The following TRPM3 variants were observed in gnomAD, a reference collection of about 807,000 sequenced individuals.
The protein encoded by TRPM3 is transient receptor potential cation channel subfamily M member 3.
A neutral mutation model predicts 181.2 loss-of-function variants in TRPM3; 77 were observed. The observed-to-expected ratio is 0.42, with a 90% confidence interval of 0.35 to 0.51. The LOEUF (loss-of-function observed/expected upper bound fraction) is 0.51, where lower values mean the gene tolerates loss of function less well. TRPM3 is among the 20% of genes least tolerant of loss of function. The pLI is 0.01. For missense variants in TRPM3, 1,759 were observed against 2,196.7 expected (o/e 0.80, Z 3.98); for synonymous variants, 745 against 796.4 (o/e 0.94, Z 1.09).
rs77465489 is a variant in TRPM3 at position 71,357,959 on chromosome 9, C to A, written c.183+88694G>T. ...AAATGGGCTTGATTGCTCACTCTACCTTTCTGTCCCAGGTCTTAATGCAAC... is the reference window on the plus strand; with the variant it reads ...AAATGGGCTTGATTGCTCACTCTACATTTCTGTCCCAGGTCTTAATGCAAC... On this transcript the variant is annotated intron_variant, in intron 1 of 24. Transcript: ENST00000357533. Among the ~76,000 whole-genome samples, 1,184 of 152,186 alleles carry A rather than the reference C, an allele frequency of 7.8e-3. 19 individuals carry two copies. The highest frequency in any genetic ancestry group is 0.024 in the African/African-American group (1,010 of 41,546).
At chr9:71,101,551 C>T (rs2134059768) in intron 1 of TRPM3, among the ~76,000 whole-genome samples, 1 of 152,208 alleles carries the variant, frequency 6.6e-6, no homozygotes, top group South Asian at 2.1e-4. Flanking sequence ...AGTTCAAACT[C>T]AGTTAAAGAA....
intron 6 of TRPM3, among the ~76,000 whole-genome samples, chr9:70,795,589 T>G (rs547796373): frequency 6.6e-6 from 1 of 152,328 alleles, no homozygotes; most frequent in Admixed American, 6.5e-5. Flanking sequence ...TCTTCCTGCT[T>G]TGGGATAGGT....
chr9:70,656,513 G>T (rs183466799), intron 9 of TRPM3, among the ~76,000 whole-genome samples: 1 of 150,728 alleles, frequency 6.6e-6, no homozygotes, highest in Non-Finnish European at 1.5e-5. Flanking sequence ...AATGAGAACA[G>T]CTTGGAGGTT....
intron 1 of TRPM3, among the ~76,000 whole-genome samples, chr9:71,181,771 T>C (rs1186414976): frequency 6.6e-6 from 1 of 152,196 alleles, no homozygotes; most frequent in East Asian, 1.9e-4. Flanking sequence ...TGGGATGTTA[T>C]GACTGGACTA....
intron 1 of TRPM3, among the ~76,000 whole-genome samples, chr9:71,021,794 G>A (rs1301509225): frequency 6.6e-6 from 1 of 152,162 alleles, no homozygotes; most frequent in Non-Finnish European, 1.5e-5. Context: ...GGAAATCACA[G>A]TTTAACCAGA....
intron 1 of TRPM3, among the ~76,000 whole-genome samples, chr9:71,180,050 C>CTTTTTTTTTTTT (rs35877663): frequency 3.7e-4 from 37 of 101,186 alleles, no homozygotes; most frequent in African/African-American, 1.2e-3. Context: ...ATACATCCTT[C>CTTTTTTTTTTTT]TTTTTTTTTT....
chr9:71,422,614 G>GTA (rs1334675544), intron 1 of TRPM3, among the ~76,000 whole-genome samples: 21 of 151,892 alleles, frequency 1.4e-4, no homozygotes, highest in African/African-American at 5.1e-4. Context: ...CTTTCTAGTA[G>GTA]TATATATACA....
intron 1 of TRPM3, among the ~76,000 whole-genome samples, chr9:70,926,048 G>A (rs113543844): frequency 5.3e-5 from 8 of 149,984 alleles, no homozygotes; most frequent in East Asian, 2.0e-4. Context: ...TCCACAATCC[G>A]CAAGTCTCAA....
intron 1 of TRPM3, among the ~76,000 whole-genome samples, chr9:71,254,847 TA>T (rs980630307): frequency 5.3e-5 from 8 of 151,120 alleles, no homozygotes; most frequent in Admixed American, 6.6e-5. Context: ...GAAGGTGGAA[TA>T]AAAAAAAATG....
At position 71,436,450 on chromosome 9, in the gene TRPM3, G is replaced by A. The variant is rs187280277; in HGVS notation, c.183+10203C>T. On this transcript the variant is annotated intron_variant, in intron 1 of 24. Coordinates refer to the TRPM3 transcript ENST00000357533. ...CCAGAGTAGCTGGGATTACAGGCACGCACCACCATGCCTGGCTAATTTTTT... is the reference window on the plus strand; with the variant it reads ...CCAGAGTAGCTGGGATTACAGGCACACACCACCATGCCTGGCTAATTTTTT... 3.5e-4 allele frequency among the ~76,000 whole-genome samples: 52 copies of A among 149,498 alleles called. No individual in the cohort carries two copies. In the East Asian group the frequency reaches 8.2e-3, roughly 24 times the overall value.
At position 70,625,611 on chromosome 9, in the gene TRPM3, A is replaced by G; in HGVS notation, c.1633-94T>C. The stretch of plus-strand genomic sequence containing the variant: ...TTTATTCAAGTCTTCAGCTGGGGAG[A>G]AAAAAACACCAGTGTAGAAGAAAGA... On this transcript the variant is annotated intron_variant, in intron 12 of 25. Coordinates refer to ENST00000677713, the MANE Select transcript of TRPM3 (RefSeq NM_001366145.2). The surrounding 1 kb of genome is among the most constrained non-coding windows in gnomAD (Gnocchi z 4.8). 7.9e-7 allele frequency: 1 copy of G among 1,264,910 alleles called. No homozygotes were observed. The highest frequency in any genetic ancestry group is 2.0e-5 in the Admixed American group (1 of 50,186). 78.4% of individuals were successfully genotyped at this position (1,264,910 alleles called of 1,614,324 possible).
At chr9:70,540,828 A>G (rs918590319) in intron 25 of TRPM3, among the ~76,000 whole-genome samples, 9 of 152,132 alleles carry the variant, frequency 5.9e-5, no homozygotes, top group African/African-American at 2.2e-4. Context: ...GGCTCAGGCA[A>G]TCCTCCACTG....
intron 1 of TRPM3, among the ~76,000 whole-genome samples, chr9:71,404,120 T>TG (rs2093392195): frequency 6.6e-6 from 1 of 152,056 alleles, no homozygotes; most frequent in South Asian, 2.1e-4. Context: ...CTGGCCATCT[T>TG]TATAAAACAA....
intron 6 of TRPM3, among the ~76,000 whole-genome samples, chr9:70,805,390 C>G (rs1002314343): frequency 6.6e-6 from 1 of 151,828 alleles, no homozygotes; most frequent in East Asian, 1.9e-4. Flanking sequence ...AAAAATTAGC[C>G]GGGCATAGTG....
At chr9:70,831,861 T>C (rs1263545972) in intron 5 of TRPM3, among the ~76,000 whole-genome samples, 2 of 150,180 alleles carry the variant, frequency 1.3e-5, no homozygotes, top group African/African-American at 2.5e-5. Flanking sequence ...GAATTATTTG[T>C]AACTCAAAGG....
chr9:70,839,677 C>T (rs2094524120), intron 5 of TRPM3, among the ~76,000 whole-genome samples: 1 of 152,160 alleles, frequency 6.6e-6, no homozygotes, highest in South Asian at 2.1e-4. Flanking sequence ...ATTTCCAATA[C>T]ATTTCCCAGA....
intron 1 of TRPM3, among the ~76,000 whole-genome samples, chr9:71,221,450 A>T (rs1214431072): frequency 6.6e-6 from 1 of 152,234 alleles, no homozygotes; most frequent in Non-Finnish European, 1.5e-5. Flanking sequence ...TAATATATCT[A>T]AAAGCATTAA....
At chr9:70,923,490 A>G (rs893438820) in intron 1 of TRPM3, among the ~76,000 whole-genome samples, 1 of 152,148 alleles carries the variant, frequency 6.6e-6, no homozygotes, top group Non-Finnish European at 1.5e-5. Context: ...TTGTAGAAAA[A>G]TACAAAAATA....
At chr9:71,432,934 CCTTAAA>C (rs544285750) in intron 1 of TRPM3, among the ~76,000 whole-genome samples, 206 of 152,140 alleles carry the variant, frequency 1.4e-3, no homozygotes, top group Middle Eastern at 6.8e-3. Context: ...TCACCAATTA[CCTTAAA>C]CTTAATTATA....
Sources: allele counts gnomAD v4.1 joint callset (sites outside exome capture counted in the v4.1 genomes callset), GRCh38; gene constraint gnomAD v4.1.1; non-coding constraint Gnocchi (gnomAD v3.1); transcripts MANE v1.5; gene names NCBI Gene and HGNC (gene_info 2026-07-23, HGNC 2026-07-21).